Variants in GTF3C3 observed in about 807,000 individuals in gnomAD.
GTF3C3 encodes general transcription factor 3C polypeptide 3.
GTF3C3 carries 75 observed loss-of-function variants against 105.2 expected under a neutral mutation model. The observed-to-expected ratio is 0.71, with a 90% confidence interval of 0.59 to 0.86. GTF3C3 has a LOEUF of 0.86. Among genes scored for constraint, GTF3C3 ranks in the 40% least tolerant of loss-of-function variants. The probability of loss-of-function intolerance (pLI) is 0.00; values close to 1 mark genes in which losing one functional copy is unlikely to be tolerated. For missense variants in GTF3C3, 856 were observed against 1,076.5 expected (o/e 0.80, Z 2.87); for synonymous variants, 335 against 370.4 (o/e 0.90, Z 1.10).
At position 196,789,342 on chromosome 2, in the gene GTF3C3, C is replaced by T. The variant is rs1375757624; in HGVS notation, c.755G>A (p.Arg252His). Residue 252 changes from arginine to histidine, a missense_variant, in exon 6 of 18, where the codon CGT becomes CAT. By Grantham distance (29) the Arg-to-His change is conservative. This residue lies in a region of GTF3C3 where 605 missense variants were observed against 833.6 expected (regional missense o/e 0.73). Coordinates refer to ENST00000263956, the MANE Select transcript of GTF3C3 (RefSeq NM_012086.5). ...AAGGCTTGATCGCTCCCACAGATAA[C>T]GGACATTAGTAGGTTCATATTTAAG... ...KALKYEPTNV[R>H]YLWERSSLYE... The T allele has an allele frequency of 1.1e-5, 17 of 1,604,544 alleles. No individual in the cohort carries two copies. The highest frequency in any genetic ancestry group is 1.3e-5 in the Non-Finnish European group (15 of 1,176,702).
intron 2 of GTF3C3, among the ~76,000 whole-genome samples, chr2:196,793,931 G>T (rs936368739): frequency 1.3e-5 from 2 of 152,166 alleles, no homozygotes; most frequent in Non-Finnish European, 2.9e-5. Context: ...CATTGCTATG[G>T]TTTGAATATC....
At chr2:196,772,356 C>T (rs1170896596) in intron 14 of GTF3C3, among the ~76,000 whole-genome samples, 2 of 152,030 alleles carry the variant, frequency 1.3e-5, no homozygotes, top group East Asian at 3.9e-4. Flanking sequence ...GGAGACCAGC[C>T]TGACCAACAT....
intron 9 of GTF3C3, among the ~76,000 whole-genome samples, chr2:196,779,300 G>T (rs1471698000): frequency 1.3e-5 from 2 of 151,918 alleles, no homozygotes; most frequent in African/African-American, 4.8e-5. Context: ...GCTAATTTTT[G>T]TATGTTTAGT....
intron 6 of GTF3C3, among the ~76,000 whole-genome samples, chr2:196,787,288 C>G (rs1468422604): frequency 6.6e-6 from 1 of 152,136 alleles, no homozygotes; most frequent in African/African-American, 2.4e-5. Flanking sequence ...ACTGTTCAAT[C>G]TATTCTCAAA....
At chr2:196,769,433 T>C (rs552720106) in intron 16 of GTF3C3, among the ~76,000 whole-genome samples, 2 of 152,346 alleles carry the variant, frequency 1.3e-5, no homozygotes, top group African/African-American at 4.8e-5. Context: ...TTTATACTTT[T>C]ATTAGAAGAG....
chr2:196,775,403 A>G (rs2125742069), intron 12 of GTF3C3, 152 bp from the exon 13 acceptor site: 2 of 551,778 alleles, frequency 3.6e-6, no homozygotes, highest in Middle Eastern at 4.0e-4. Flanking sequence ...CCACAGGCAC[A>G]TGCCACCATA....
chr2:196,794,676 C>A (rs1699608986), intron 2 of GTF3C3, among the ~76,000 whole-genome samples: 1 of 152,134 alleles, frequency 6.6e-6, no homozygotes, highest in Non-Finnish European at 1.5e-5. Context: ...CTCAGGTGAT[C>A]CACCCACCTC....
chr2:196,767,999 C>G (rs978418585), intron 16 of GTF3C3, among the ~76,000 whole-genome samples: 2 of 152,152 alleles, frequency 1.3e-5, no homozygotes, highest in East Asian at 3.9e-4. Flanking sequence ...AATTTAAAAA[C>G]TGCAAAACAA....
At position 196,785,607 on chromosome 2, in the gene GTF3C3, A is replaced by T. The variant is rs772669222; in HGVS notation, c.894-19T>A. ...GTAACTCCTAAAAAAAAGTGGCAAA[A>T]TGGATGAATATTTACTTAATTCCAA... is the stretch of plus-strand genomic sequence containing the variant. On this transcript the variant is annotated intron_variant, in intron 6 of 17. Transcript: ENST00000263956. The T allele has an allele frequency of 2.0e-6, 3 of 1,492,220 alleles. No homozygotes were observed. Among genetic ancestry groups the T allele is most frequent in the Non-Finnish European group, 2.8e-6 (3 of 1,073,694 alleles). 92.4% of individuals were successfully genotyped at this position (1,492,220 alleles called of 1,614,324 possible).
At chr2:196,793,239 A>G in intron 2 of GTF3C3, 87 bp from the exon 3 acceptor site, 1 of 928,604 alleles carries the variant, frequency 1.1e-6, no homozygotes, top group Non-Finnish European at 1.6e-6. Context: ...ATAAATTTTT[A>G]CCCCAGTAAC....
Position 196,775,185 on chromosome 2 carries a change from G to A in GTF3C3, c.1762C>T (p.Leu588Phe), listed in dbSNP as rs1407489340. The part of the protein sequence containing the change: ...SSKSGERHLY[L>F]IKVSRDKISD... ...ATTTTGTCTCTCGATACTTTAATAA[G>A]ATAAAGATGCCTCTCTCCAGACTTG... The change falls in exon 13 of 18, where the codon CTT becomes TTT. Residue 588 changes from leucine (L) to phenylalanine (F), a missense_variant. Around this residue, in one of 3 missense-constraint regions of GTF3C3, gnomAD observed 605 missense variants for 833.6 expected, o/e 0.73. Transcript: ENST00000263956. The A allele has an allele frequency of 5.6e-6, 9 of 1,612,392 alleles. No individual in the cohort carries two copies. The highest frequency in any genetic ancestry group is 6.8e-6 in the Non-Finnish European group (8 of 1,178,760).
Position 196,772,549 on chromosome 2 carries a change from AAAT to A in GTF3C3, c.2069+364_2069+366del, listed in dbSNP as rs372903837. On this transcript the variant is annotated intron_variant, in intron 14 of 17. Coordinates refer to ENST00000263956, the MANE Select transcript of GTF3C3 (RefSeq NM_012086.5). ...GGCAATAGGAGCAAAACTCCATCTC[AAAT>A]AATAATAATAATTATAATAATAATA... is the stretch of plus-strand genomic sequence containing the variant. Among the ~76,000 whole-genome samples, 171 of 152,094 alleles carry A rather than the reference AAAT, an allele frequency of 1.1e-3. No homozygotes were observed. In the East Asian group the frequency reaches 0.019, roughly 17 times the overall value.
At chr2:196,784,767 C>T in intron 8 of GTF3C3, 90 bp downstream of exon 8, 1 of 1,447,108 alleles carries the variant, frequency 6.9e-7, no homozygotes, top group African/African-American at 1.4e-5. Flanking sequence ...TATCAACTCA[C>T]CACAGTATGA....
At chr2:196,780,223 T>A in intron 9 of GTF3C3, 1 of 957,224 alleles carries the variant, frequency 1.0e-6, no homozygotes, top group Non-Finnish European at 1.3e-6. Context: ...TACTTTTTTT[T>A]TTTCAATAAT....
chr2:196,767,711 G>T (rs1381587453), intron 16 of GTF3C3, among the ~76,000 whole-genome samples: 2 of 152,134 alleles, frequency 1.3e-5, no homozygotes, highest in Non-Finnish European at 2.9e-5. Context: ...TTAAGTACCA[G>T]CAGACTATTC....
chr2:196,780,474 G>T, intron 9 of GTF3C3, 85 bp downstream of exon 9: 2 of 1,448,020 alleles, frequency 1.4e-6, no homozygotes, highest in African/African-American at 2.8e-5. Flanking sequence ...GAAACTCTAG[G>T]GTCAAGTTAT....
In GTF3C3 at chr2:196,776,393, C is replaced by A. The variant is rs955443966; in HGVS notation, c.1593+34G>T. 6.5e-7 allele frequency: 1 copy of A among 1,549,694 alleles called. No homozygotes were observed. The highest frequency in any genetic ancestry group is 1.1e-5 in the South Asian group (1 of 88,772). On this transcript the variant is annotated intron_variant, in intron 11 of 17. Transcript: ENST00000263956. The surrounding 1 kb of genome is among the most constrained non-coding windows in gnomAD (Gnocchi z 4.5). ...GAGAAAGTTCTAAAATATAATATAC[C>A]AAGAAAAACTTCCCTCTATGTGACA...
intron 2 of GTF3C3, among the ~76,000 whole-genome samples, chr2:196,793,606 G>A (rs1441576500): frequency 6.6e-6 from 1 of 152,100 alleles, no homozygotes; most frequent in Non-Finnish European, 1.5e-5. Context: ...TACTAAAGCT[G>A]CTCTATACAT....
chr2:196,784,248 A>T (rs922700871), intron 8 of GTF3C3, among the ~76,000 whole-genome samples: 7 of 152,094 alleles, frequency 4.6e-5, no homozygotes, highest in Non-Finnish European at 8.8e-5. Flanking sequence ...CTATACAGGA[A>T]TTCTCTTACA....
Sources: gnomAD v4.1 joint callset for allele counts (sites outside exome capture counted in the v4.1 genomes callset) on GRCh38, gnomAD v4.1.1 for gene constraint, gnomAD v4.1.1 regional missense constraint, Gnocchi (gnomAD v3.1) non-coding constraint, MANE v1.5 for transcripts, NCBI Gene and HGNC (gene_info 2026-07-23, HGNC 2026-07-21) for gene names.